The following LRP5 variants were observed in gnomAD, a reference collection of about 807,000 sequenced individuals.
The protein encoded by LRP5 is low-density lipoprotein receptor-related protein 5.
In LRP5, 62 loss-of-function variants were observed where a neutral mutation model predicts 154.1. The ratio of observed to expected loss-of-function variants is 0.40; its 90% CI spans 0.33 to 0.50. The LOEUF is 0.50. LRP5 is among the 20% of genes least tolerant of loss of function. LRP5 has a pLI of 0.55. For missense variants in LRP5, 1,915 were observed against 2,336.7 expected, an observed-to-expected ratio of 0.82 and a Z score of 3.72; for synonymous variants, 966 against 1,011.5, an observed-to-expected ratio of 0.96 and a Z score of 0.85.
chr11:68,425,656 C>T (rs570652263), intron 15 of LRP5, among the ~76,000 whole-genome samples: 232 of 152,268 alleles, frequency 1.5e-3, no homozygotes, highest in African/African-American at 5.1e-3. Flanking sequence ...AGAGAGGGGG[C>T]GCAGGTCCCC....
At chr11:68,329,444 G>A (rs915817006) in intron 1 of LRP5, among the ~76,000 whole-genome samples, 4 of 152,210 alleles carry the variant, frequency 2.6e-5, no homozygotes, top group Admixed American at 6.5e-5. Context: ...ATTGGCAGAC[G>A]GTGGTTCCAG....
intron 20 of LRP5, among the ~76,000 whole-genome samples, chr11:68,439,193 A>G (rs570467300): frequency 1.7e-3 from 259 of 152,286 alleles, no homozygotes; most frequent in Admixed American, 3.3e-3. Context: ...TTTGTATCAC[A>G]TGGGTGACCA....
intron 7 of LRP5, among the ~76,000 whole-genome samples, chr11:68,400,549 C>T (rs1050627279): frequency 3.6e-5 from 5 of 140,730 alleles, no homozygotes; most frequent in African/African-American, 1.0e-4. Flanking sequence ...GGAGAAACCC[C>T]GTCTCTACTA....
chr11:68,401,180 C>T (rs1331215685), intron 7 of LRP5, among the ~76,000 whole-genome samples: 1 of 152,184 alleles, frequency 6.6e-6, no homozygotes, highest in African/African-American at 2.4e-5. Context: ...GGGGCCAACC[C>T]CTCAGATGTT....
chr11:68,391,579 A>T (rs2098646367), intron 7 of LRP5, among the ~76,000 whole-genome samples: 1 of 152,162 alleles, frequency 6.6e-6, no homozygotes, highest in Admixed American at 6.5e-5. Flanking sequence ...TCTGAGCGGG[A>T]GGAGTCTCAG....
chr11:68,399,686 C>T (rs11606439), intron 7 of LRP5, among the ~76,000 whole-genome samples: 7,906 of 152,272 alleles, frequency 0.052, 237 homozygotes, highest in Middle Eastern at 0.13. Flanking sequence ...AGGCTTGGCT[C>T]GGCTCAGGCA....
intron 5 of LRP5, among the ~76,000 whole-genome samples, chr11:68,373,324 G>A (rs1235567341): frequency 6.6e-6 from 1 of 152,178 alleles, no homozygotes; most frequent in Non-Finnish European, 1.5e-5. Context: ...GGGACCCCAA[G>A]GGACAGGGAG....
intron 7 of LRP5, among the ~76,000 whole-genome samples, chr11:68,394,468 C>CTTTTTTTTT (rs1217880694): frequency 7.1e-6 from 1 of 140,030 alleles, no homozygotes; most frequent in African/African-American, 2.8e-5. Context: ...TGATTACCCA[C>CTTTTTTTTT]TTTTTTTTTT....
chr11:68,403,998 C>T, intron 8 of LRP5: 2 of 513,112 alleles, frequency 3.9e-6, no homozygotes, highest in East Asian at 6.8e-5. Flanking sequence ...GTGACCCCGT[C>T]TGCAAATGTA....
rs1258610109 is a variant in LRP5 at position 68,428,974 on chromosome 11, A to G, written c.3638-601A>G. 5.0e-4 allele frequency among the ~76,000 whole-genome samples: 63 copies of G among 126,296 alleles called. 2 individuals are homozygous for G. The East Asian group carries it at 0.011, about 21-fold the overall frequency. The allele number at this position is 126,296 out of a possible 152,430, so 82.9% of individuals were successfully genotyped here. On this transcript the variant is annotated intron_variant, in intron 16 of 22. Transcript: ENST00000294304. ...TAGCCAGGCACAGTGGCAGGTGCCT[A>G]TTGTCCCAGCTACTTGGGAGGCTAA...
rs201119420 is a variant in LRP5 at position 68,348,005 on chromosome 11, G to A, written c.250G>A (p.Glu84Lys). The change falls in exon 2 of 23, where the codon GAG becomes AAG. Residue 84 changes from glutamate to lysine, a missense_variant. Coordinates refer to ENST00000294304, the MANE Select transcript of LRP5 (RefSeq NM_002335.4). The stretch of plus-strand genomic sequence containing the variant: ...AGCCGTGTACTGGACAGACGTGAGC[G>A]AGGAGGCCATCAAGCAGACCTACCT... ...KGAVYWTDVS[E>K]EAIKQTYLNQ... is the part of the protein sequence containing the mutation. 18 of 1,614,046 alleles carry A rather than the reference G, an allele frequency of 1.1e-5. No individual in the cohort carries two copies. The highest frequency in any genetic ancestry group is 1.4e-5 in the Non-Finnish European group (17 of 1,180,042).
intron 15 of LRP5, 22 bp from the exon 16 acceptor site, chr11:68,425,956 G>A: frequency 6.2e-7 from 1 of 1,603,526 alleles, no homozygotes; most frequent in Non-Finnish European, 8.5e-7. Context: ...ACTGCTCAGG[G>A]GGGCCCACGG....
intron 5 of LRP5, among the ~76,000 whole-genome samples, chr11:68,375,404 G>T (rs753562622): frequency 6.6e-6 from 1 of 152,168 alleles, no homozygotes; most frequent in Non-Finnish European, 1.5e-5. Flanking sequence ...GGAAATGCAC[G>T]ATTTGTTTCT....
chr11:68,365,470 A>G, intron 4 of LRP5, 101 bp from the exon 5 acceptor site: 1 of 1,564,362 alleles, frequency 6.4e-7, no homozygotes, highest in South Asian at 1.1e-5. Context: ...AGAGGGACAC[A>G]CTGGAGGCTG....
intron 2 of LRP5, among the ~76,000 whole-genome samples, chr11:68,352,284 A>G (rs2098619364): frequency 6.6e-6 from 1 of 152,248 alleles, no homozygotes; most frequent in Admixed American, 6.5e-5. Flanking sequence ...TTCGATAAAA[A>G]GATGAGACAA....
intron 1 of LRP5, among the ~76,000 whole-genome samples, chr11:68,338,119 A>T (rs1413302888): frequency 6.6e-6 from 1 of 152,118 alleles, no homozygotes; most frequent in Admixed American, 6.5e-5. Flanking sequence ...CTCTTCCATC[A>T]TGCTGGCACT....
intron 16 of LRP5, among the ~76,000 whole-genome samples, chr11:68,428,665 G>A (rs1163050075): frequency 1.3e-5 from 2 of 151,136 alleles, no homozygotes; most frequent in Admixed American, 1.3e-4. Context: ...AGATGACCTC[G>A]TCTTGAGATC....
upstream of LRP5, among the ~76,000 whole-genome samples, chr11:68,311,991 G>C (rs2098588195): frequency 6.6e-6 from 1 of 152,280 alleles, no homozygotes; most frequent in South Asian, 2.1e-4. Context: ...GGACTCAAAG[G>C]TGGCGTCTGG....
chr11:68,326,251 G>A (rs374257039), intron 1 of LRP5, among the ~76,000 whole-genome samples: 1 of 152,308 alleles, frequency 6.6e-6, no homozygotes, highest in East Asian at 1.9e-4. Context: ...ATGGCAGGGG[G>A]CTGAGGGCTG....
Sources: allele counts gnomAD v4.1 joint callset (sites outside exome capture counted in the v4.1 genomes callset), GRCh38; gene constraint gnomAD v4.1.1; transcripts MANE v1.5; gene names NCBI Gene and HGNC (gene_info 2026-07-23, HGNC 2026-07-21).